SEMA3A: variants seen among roughly 807,000 people sequenced by gnomAD.
The protein encoded by SEMA3A is semaphorin 3A.
In SEMA3A, 29 loss-of-function variants were observed where a neutral mutation model predicts 97.9. The ratio of observed to expected loss-of-function variants is 0.30; its 90% confidence interval spans 0.22 to 0.40. The LOEUF (loss-of-function observed/expected upper bound fraction) is 0.40, where lower values mean the gene tolerates loss of function less well. SEMA3A is among the 10% of genes least tolerant of loss of function. The probability of loss-of-function intolerance (pLI) is 1.00; values close to 1 mark genes in which losing one functional copy is unlikely to be tolerated. For missense variants in SEMA3A, 763 were observed against 951.3 expected, an observed-to-expected ratio of 0.80 and a Z score of 2.60; for synonymous variants, 321 against 323.7, an observed-to-expected ratio of 0.99 and a Z score of 0.09.
intron 6 of SEMA3A, among the ~76,000 whole-genome samples, chr7:84,044,488 C>T (rs1382041605): frequency 6.6e-6 from 1 of 151,876 alleles, no homozygotes. Flanking sequence ...AGAAGTTATG[C>T]CAAATTTAGA....
chr7:84,484,352 C>T (rs981190323), intron 1 of SEMA3A, among the ~76,000 whole-genome samples: 1 of 151,882 alleles, frequency 6.6e-6, no homozygotes, highest in Non-Finnish European at 1.5e-5. Context: ...ATTTTAAATG[C>T]ATATATTTTT....
At chr7:84,127,067 T>C (rs1373733781) in intron 3 of SEMA3A, among the ~76,000 whole-genome samples, 1 of 152,080 alleles carries the variant, frequency 6.6e-6, no homozygotes, top group East Asian at 1.9e-4. Context: ...TTTGCTCTAC[T>C]ATGAAGGTGT....
At chr7:84,314,456 C>A (rs1299769948) in intron 2 of SEMA3A, among the ~76,000 whole-genome samples, 1 of 152,096 alleles carries the variant, frequency 6.6e-6, no homozygotes, top group African/African-American at 2.4e-5. Flanking sequence ...GCTTTAAGAT[C>A]CAGCTCATTG....
chr7:84,191,839 T>C (rs1383401580), intron 1 of SEMA3A, among the ~76,000 whole-genome samples: 2 of 151,884 alleles, frequency 1.3e-5, no homozygotes, highest in Non-Finnish European at 2.9e-5. Context: ...TTTTCTAATA[T>C]TATCACTTCT....
intron 1 of SEMA3A, among the ~76,000 whole-genome samples, chr7:84,381,706 C>T (rs1803265546): frequency 6.6e-6 from 1 of 152,098 alleles, no homozygotes; most frequent in African/African-American, 2.4e-5. Flanking sequence ...TCCAATATGG[C>T]CTAGTCTTTT....
intron 1 of SEMA3A, among the ~76,000 whole-genome samples, chr7:84,190,564 A>G (rs754286102): frequency 5.3e-5 from 8 of 151,192 alleles, no homozygotes; most frequent in Non-Finnish European, 1.2e-4. Flanking sequence ...ACTCCCACAT[A>G]TGTTTCCTAA....
In SEMA3A at chr7:84,016,532, T is replaced by C. The variant is rs374352998; in HGVS notation, c.668-2181A>G. ...CAGCCTGGGCGACAGAGCGAGACTC[T>C]GTCTCAAAAAAAAAAAAAAGAAAAA... On this transcript the variant is annotated intron_variant, in intron 6 of 16. Coordinates refer to ENST00000265362, the MANE Select transcript of SEMA3A (RefSeq NM_006080.3). Among the ~76,000 whole-genome samples, 1,244 of 139,898 alleles carry C rather than the reference T, an allele frequency of 8.9e-3. 15 individuals carry two copies. The highest frequency in any genetic ancestry group is 0.033 in the African/African-American group (1,168 of 35,738). 91.8% of individuals were successfully genotyped at this position (139,898 alleles called of 152,430 possible).
chr7:84,270,420 C>A (rs917493108), intron 3 of SEMA3A, among the ~76,000 whole-genome samples: 3 of 151,650 alleles, frequency 2.0e-5, no homozygotes, highest in African/African-American at 7.3e-5. Flanking sequence ...AAATCCATCT[C>A]CTTAGTTACT....
In SEMA3A at chr7:84,129,106, A is replaced by T; in HGVS notation, c.333+17T>A. On this transcript the variant is annotated intron_variant, in intron 3 of 16. Transcript: ENST00000265362. Reference sequence around the variant, plus strand: ...GGATACTCAACCTGTATAATAATTTAGTAGGTTAATGCTTACCAGGATGTC... The same window carrying T: ...GGATACTCAACCTGTATAATAATTTTGTAGGTTAATGCTTACCAGGATGTC... The T allele has an allele frequency of 6.3e-7, 1 of 1,579,334 alleles. No homozygotes were observed. The highest frequency in any genetic ancestry group is 8.7e-7 in the Non-Finnish European group (1 of 1,148,416).
upstream of SEMA3A, among the ~76,000 whole-genome samples, chr7:84,198,182 CTTTT>C (rs1250974509): frequency 6.6e-6 from 1 of 151,860 alleles, no homozygotes; most frequent in African/African-American, 2.4e-5. Flanking sequence ...TTATATTGGC[CTTTT>C]TTTATTTTTT....
intron 3 of SEMA3A, among the ~76,000 whole-genome samples, chr7:84,250,989 T>A (rs569844738): frequency 2.1e-3 from 315 of 152,292 alleles, no homozygotes; most frequent in African/African-American, 7.2e-3. Flanking sequence ...TTTTTCTTAT[T>A]AAATGGAGAT....
At chr7:84,237,045 T>G (rs1799252030) in intron 3 of SEMA3A, among the ~76,000 whole-genome samples, 1 of 152,052 alleles carries the variant, frequency 6.6e-6, no homozygotes, top group African/African-American at 2.4e-5. Flanking sequence ...CATTCTAAAA[T>G]TTAAAACGAC....
At chr7:84,434,736 A>G (rs1805080336) in intron 1 of SEMA3A, among the ~76,000 whole-genome samples, 8 of 152,226 alleles carry the variant, frequency 5.3e-5, no homozygotes, top group Admixed American at 5.2e-4. Flanking sequence ...AATTCATCAC[A>G]TAAACATAAT....
chr7:84,250,202 A>C (rs1799573935), intron 3 of SEMA3A, among the ~76,000 whole-genome samples: 1 of 152,186 alleles, frequency 6.6e-6, no homozygotes, highest in East Asian at 1.9e-4. Flanking sequence ...TTTCTTATGT[A>C]TCACTTTATT....
At chr7:84,309,102 G>C (rs1343425698) in intron 2 of SEMA3A, among the ~76,000 whole-genome samples, 2 of 152,172 alleles carry the variant, frequency 1.3e-5, no homozygotes, top group Non-Finnish European at 2.9e-5. Context: ...ACAGGCGTGA[G>C]CTACCACGCC....
intron 1 of SEMA3A, among the ~76,000 whole-genome samples, chr7:84,477,090 A>C: frequency 6.8e-6 from 1 of 147,938 alleles, no homozygotes; most frequent in South Asian, 2.1e-4. Context: ...ATATATATAT[A>C]TATTTTTCAA....
intron 1 of SEMA3A, among the ~76,000 whole-genome samples, chr7:84,402,787 A>T (rs548820867): frequency 2.4e-4 from 37 of 152,230 alleles, no homozygotes; most frequent in Non-Finnish European, 3.4e-4. Flanking sequence ...AGTAGAGGGC[A>T]TTATGTTAAG....
At chr7:84,416,373 G>C (rs1044498318) in intron 1 of SEMA3A, among the ~76,000 whole-genome samples, 2 of 152,030 alleles carry the variant, frequency 1.3e-5, no homozygotes, top group Non-Finnish European at 2.9e-5. Flanking sequence ...CAGCCATGTG[G>C]AACTGTAAGT....
chr7:84,313,348 G>GTA (rs1562898582), intron 2 of SEMA3A, among the ~76,000 whole-genome samples: 7 of 15,888 alleles, frequency 4.4e-4, no homozygotes, highest in African/African-American at 1.3e-3. Flanking sequence ...ATATGTATAT[G>GTA]TGTGTGTGTA....
Sources: gnomAD v4.1 joint callset for allele counts (sites outside exome capture counted in the v4.1 genomes callset) on GRCh38, gnomAD v4.1.1 for gene constraint, MANE v1.5 for transcripts, NCBI Gene and HGNC (gene_info 2026-07-23, HGNC 2026-07-21) for gene names.